The following MITD1 variants were observed in gnomAD, a reference collection of about 807,000 sequenced individuals.
MITD1 encodes the protein microtubule interacting and trafficking domain containing 1.
In MITD1, 24 loss-of-function variants were observed where a neutral mutation model predicts 34.9. The ratio of observed to expected loss-of-function variants is 0.69; its 90% CI spans 0.50 to 0.97. MITD1 has a LOEUF of 0.97. Among genes scored for constraint, MITD1 ranks in the 50% least tolerant of loss-of-function variants. MITD1 has a pLI of 0.00. For synonymous variants in MITD1, 102 were observed against 101.4 expected (o/e 1.01, Z -0.04); for missense variants, 266 against 294.6 (o/e 0.90, Z 0.71).
chr2:99,161,891 TTAGAAAA>T (rs1312803395), downstream of MITD1: 16 of 1,366,014 alleles, frequency 1.2e-5, no homozygotes, highest in African/African-American at 4.4e-5. Context: ...TAATTGATAG[TTAGAAAA>T]TAGAATTTAA....
downstream of MITD1, among the ~76,000 whole-genome samples, chr2:99,168,977 T>TC (rs2093840222): frequency 7.5e-6 from 1 of 133,602 alleles, no homozygotes; most frequent in South Asian, 2.6e-4. Context: ...TTTTTTTTTT[T>TC]TCTGATACAG....
chr2:99,162,805 C>T, intron 7 of MITD1: 1 of 1,614,080 alleles, frequency 6.2e-7, no homozygotes, highest in South Asian at 1.1e-5. Context: ...AGTATAAATA[C>T]TTCCTTTCAT....
At chr2:99,175,392 G>A (rs1574832867) in intron 1 of MITD1, among the ~76,000 whole-genome samples, 2 of 152,266 alleles carry the variant, frequency 1.3e-5, no homozygotes, top group Middle Eastern at 6.8e-3. Flanking sequence ...AGTTATTTTT[G>A]CAGAATGTCT....
chr2:99,176,123 T>C (rs1422612937), intron 1 of MITD1, among the ~76,000 whole-genome samples: 1 of 152,096 alleles, frequency 6.6e-6, no homozygotes, highest in African/African-American at 2.4e-5. Flanking sequence ...GTATTTCTTT[T>C]CTATTTTCTG....
chr2:99,168,137 T>A (rs1440386691), downstream of MITD1, among the ~76,000 whole-genome samples: 2 of 151,990 alleles, frequency 1.3e-5, no homozygotes, highest in African/African-American at 2.4e-5. Context: ...TGGGTTTTTT[T>A]ATTTGTTTCT....
At chr2:99,166,982 G>GT (rs2093830625), downstream of MITD1, among the ~76,000 whole-genome samples, 1 of 150,272 alleles carries the variant, frequency 6.7e-6, no homozygotes, top group Non-Finnish European at 1.5e-5. Context: ...TTTATGCGGA[G>GT]TAAGACAGAG....
intron 7 of MITD1, among the ~76,000 whole-genome samples, chr2:99,164,084 T>C (rs1415725043): frequency 2.0e-5 from 3 of 152,216 alleles, no homozygotes; most frequent in South Asian, 4.1e-4. Flanking sequence ...CATATAATCA[T>C]TGAAGATTAG....
At chr2:99,175,172 G>A (rs558317179) in intron 1 of MITD1, among the ~76,000 whole-genome samples, 3 of 150,914 alleles carry the variant, frequency 2.0e-5, no homozygotes, top group Middle Eastern at 3.4e-3. Context: ...ACAAGTATCA[G>A]AGCTAGGAAA....
At position 99,169,478 on chromosome 2, in the gene MITD1, G is replaced by C; in HGVS notation, c.655-8C>G. Reference sequence around the variant, plus strand: ...TCCAAGGGAAAAACGACTCTAAGAAGAGAAGAAAAGAGTATCATTAAAAAT... The same window carrying C: ...TCCAAGGGAAAAACGACTCTAAGAACAGAAGAAAAGAGTATCATTAAAAAT... On this transcript the variant is annotated splice_region_variant and splice_polypyrimidine_tract_variant and intron_variant, in intron 6 of 6. Transcript: ENST00000289359. The C allele has an allele frequency of 1.2e-6, 2 of 1,606,434 alleles. No individual in the cohort carries two copies. Among genetic ancestry groups the C allele is most frequent in the Non-Finnish European group, 1.7e-6 (2 of 1,175,018 alleles).
At chr2:99,175,257 T>C (rs534319322) in intron 1 of MITD1, among the ~76,000 whole-genome samples, 17 of 152,202 alleles carry the variant, frequency 1.1e-4, no homozygotes, top group Non-Finnish European at 2.2e-4. Flanking sequence ...CTAATGAAAG[T>C]TTGCTTTCTG....
chr2:99,176,913 A>G lies in MITD1; in HGVS notation c.152-2897T>C, dbSNP rs560939121. Reference sequence around the variant, plus strand: ...CAAATTCTGGGTGCCAGCTGTGTTCATTGCTGCTGGGGGAGTCCCACCACT... The same window carrying G: ...CAAATTCTGGGTGCCAGCTGTGTTCGTTGCTGCTGGGGGAGTCCCACCACT... On this transcript the variant is annotated intron_variant, in intron 1 of 6. Transcript: ENST00000289359. Among the ~76,000 whole-genome samples the G allele has an allele frequency of 3.9e-5, 6 of 152,276 alleles. No homozygotes were observed. In the South Asian group the frequency reaches 1.0e-3, roughly 26 times the overall value.
In MITD1 at chr2:99,173,604, A is replaced by C. The variant is rs141890078; in HGVS notation, c.253+311T>G. On this transcript the variant is annotated intron_variant, in intron 2 of 6. Transcript: ENST00000289359. ...TTTCTTAACATAGGGTCCACACATAAGCTTCATAGGGATTTGTGAACCCCT... is the reference window on the plus strand; with the variant it reads ...TTTCTTAACATAGGGTCCACACATACGCTTCATAGGGATTTGTGAACCCCT... 3.3e-4 allele frequency: 154 copies of C among 467,126 alleles called. 1 individual carries two copies. The highest frequency in any genetic ancestry group is 2.6e-3 in the African/African-American group (131 of 50,694). 28.9% of individuals were successfully genotyped at this position (467,126 alleles called of 1,614,324 possible).
intron 1 of MITD1, among the ~76,000 whole-genome samples, chr2:99,178,803 A>G (rs1008818664): frequency 2.6e-5 from 4 of 152,218 alleles, no homozygotes; most frequent in African/African-American, 4.8e-5. Context: ...TGCCTGTGGA[A>G]TAAGTTAAAA....
chr2:99,174,868 G>T (rs542273064), intron 1 of MITD1, among the ~76,000 whole-genome samples: 5 of 152,272 alleles, frequency 3.3e-5, no homozygotes, highest in Non-Finnish European at 7.4e-5. Flanking sequence ...TGGGATTACA[G>T]GCGTGAGCCA....
chr2:99,170,222 A>C (rs2093848216), intron 5 of MITD1, among the ~76,000 whole-genome samples: 1 of 152,214 alleles, frequency 6.6e-6, no homozygotes, highest in African/African-American at 2.4e-5. Context: ...AAAATAAATT[A>C]TCCTAATATC....
In MITD1 at chr2:99,169,365, C is replaced by T; in HGVS notation, c.*10G>A. The T allele has an allele frequency of 7.4e-7, 1 of 1,346,268 alleles. No individual in the cohort carries two copies. The highest frequency in any genetic ancestry group is 1.1e-6 in the Non-Finnish European group (1 of 950,104). 83.4% of individuals were successfully genotyped at this position (1,346,268 alleles called of 1,614,324 possible). ...TAAAGTAGACATAATACAAATTAGG[C>T]TACCACCCATCATATATTTTTTGTA... is the stretch of plus-strand genomic sequence containing the variant. On this transcript the variant is annotated 3_prime_UTR_variant, in exon 7 of 7. Coordinates refer to ENST00000289359, the MANE Select transcript of MITD1 (RefSeq NM_138798.3).
chr2:99,166,671 TA>T (rs1273954430), downstream of MITD1, among the ~76,000 whole-genome samples: 1 of 151,650 alleles, frequency 6.6e-6, no homozygotes, highest in Admixed American at 6.6e-5. Flanking sequence ...AGGTCACTGC[TA>T]AAAATCTGGC....
intron 7 of MITD1, chr2:99,162,866 G>A (rs2093807961): frequency 6.2e-7 from 1 of 1,612,578 alleles, no homozygotes; most frequent in African/African-American, 1.3e-5. Flanking sequence ...TAGACATAAA[G>A]AATGGAAGAA....
chr2:99,163,066 A>G (rs1309983079), intron 7 of MITD1: 2 of 1,554,266 alleles, frequency 1.3e-6, no homozygotes, highest in East Asian at 4.5e-5. Context: ...GAAAAAATTA[A>G]GGGAATAATG....
Sources: gnomAD v4.1 joint callset for allele counts (sites outside exome capture counted in the v4.1 genomes callset) on GRCh38, gnomAD v4.1.1 for gene constraint, MANE v1.5 for transcripts, NCBI Gene and HGNC (gene_info 2026-07-23, HGNC 2026-07-21) for gene names.